The following KCNQ1OT1 variants were observed in gnomAD, a reference collection of about 807,000 sequenced individuals.
KCNQ1OT1 encodes the protein KCNQ1 opposite strand/antisense transcript 1.
rs1479327180 is a variant in KCNQ1OT1 at position 2,659,848 on chromosome 11, C to CT, written n.40146dup. On this transcript the variant is annotated non_coding_transcript_exon_variant, in exon 1 of 1. Coordinates refer to ENST00000597346, the Ensembl canonical transcript of KCNQ1OT1. The surrounding 1 kb of genome is among the most constrained non-coding windows in gnomAD (Gnocchi z 4.3). ...TTCCATATTTATGTTAATTATGTAT[C>CT]TTTTCATGTGCTTATTTATAATCCA... 2 of 398,042 alleles carry CT rather than the reference C, an allele frequency of 5.0e-6. No homozygotes were observed. Among genetic ancestry groups the CT allele is most frequent in the Non-Finnish European group, 8.9e-6 (2 of 225,936 alleles). 24.7% of individuals were successfully genotyped at this position (398,042 alleles called of 1,614,324 possible).
Position 2,697,970 on chromosome 11 carries a change from C to T in KCNQ1OT1, n.2025G>A, listed in dbSNP as rs1247695688. 13 of 398,644 alleles carry T rather than the reference C, an allele frequency of 3.3e-5. No homozygotes were observed. Among genetic ancestry groups the T allele is most frequent in the Middle Eastern group, 6.3e-4 (1 of 1,588 alleles). 24.7% of individuals were successfully genotyped at this position (398,644 alleles called of 1,614,324 possible). Reference sequence around the variant, plus strand: ...TTAAAATACACCCATAATCAAGCAACTCAATCCTTAAATTTTTCTCCTACT... The same window carrying T: ...TTAAAATACACCCATAATCAAGCAATTCAATCCTTAAATTTTTCTCCTACT... On this transcript the variant is annotated non_coding_transcript_exon_variant, in exon 1 of 1. Coordinates refer to ENST00000597346, the Ensembl canonical transcript of KCNQ1OT1.
exon 1 of KCNQ1OT1, chr11:2,685,162 G>T (rs1343437619): frequency 1.0e-5 from 4 of 398,572 alleles, no homozygotes; most frequent in South Asian, 1.3e-4. Context: ...GCCTGGAGAG[G>T]ATCCCCATCT....
rs1189383375 is a variant in KCNQ1OT1 at position 2,652,607 on chromosome 11, T to G, written n.47388A>C. ...GCTCTTGCTGCCTGGAACCTTCCCC[T>G]GAAAATGTGTCTTGGGAGACCTAGA... On this transcript the variant is annotated non_coding_transcript_exon_variant, in exon 1 of 1. Transcript: ENST00000597346. This position sits in a 1 kb window ranked among gnomAD's most constrained non-coding sequence, Gnocchi z 5.9. 9 of 398,494 alleles carry G rather than the reference T, an allele frequency of 2.3e-5. No individual in the cohort carries two copies. The highest frequency in any genetic ancestry group is 4.0e-5 in the Non-Finnish European group (9 of 226,090). 24.7% of individuals were successfully genotyped at this position (398,494 alleles called of 1,614,324 possible).
exon 1 of KCNQ1OT1, chr11:2,655,531 CCTT>C (rs1590010159): frequency 2.5e-6 from 1 of 398,704 alleles, no homozygotes; most frequent in Non-Finnish European, 4.4e-6. Flanking sequence ...ATGGGCTCAA[CCTT>C]CTCTGCAGCT....
Position 2,624,461 on chromosome 11 carries a change from C to T in KCNQ1OT1, n.75534G>A. 2 of 398,404 alleles carry T rather than the reference C, an allele frequency of 5.0e-6. No individual in the cohort carries two copies. Among genetic ancestry groups the T allele is most frequent in the Non-Finnish European group, 4.4e-6 (1 of 226,004 alleles). 24.7% of individuals were successfully genotyped at this position (398,404 alleles called of 1,614,324 possible). ...CAATTATTTCTTTCATGAATCATGC[C>T]TTTGGTGTCATATCTAAAAAGCCAT... is the stretch of plus-strand genomic sequence containing the variant. On this transcript the variant is annotated non_coding_transcript_exon_variant, in exon 1 of 1. Coordinates refer to ENST00000597346, the Ensembl canonical transcript of KCNQ1OT1. The surrounding 1 kb of genome is among the most constrained non-coding windows in gnomAD (Gnocchi z 4.9).
Position 2,679,649 on chromosome 11 carries a change from C to T in KCNQ1OT1, n.20346G>A, listed in dbSNP as rs1177568000. On this transcript the variant is annotated non_coding_transcript_exon_variant, in exon 1 of 1. Coordinates refer to ENST00000597346, the Ensembl canonical transcript of KCNQ1OT1. The surrounding 1 kb of genome is among the most constrained non-coding windows in gnomAD (Gnocchi z 4.8). The stretch of plus-strand genomic sequence containing the variant: ...GCATCAGAAAAAATACAAGTGCATC[C>T]TCATAAGATTATTTAGGATGCATAG... The T allele has an allele frequency of 2.5e-6, 1 of 398,430 alleles. No homozygotes were observed. The highest frequency in any genetic ancestry group is 4.4e-5 in the Admixed American group (1 of 22,708). The allele number at this position is 398,430 out of a possible 1,614,324, so 24.7% of individuals were successfully genotyped here.
chr11:2,614,856 G>C (rs1237407150), exon 1 of KCNQ1OT1: 1 of 398,204 alleles, frequency 2.5e-6, no homozygotes, highest in Non-Finnish European at 4.4e-6. Flanking sequence ...TTTTCAATAT[G>C]ATTTTAGATT....
exon 1 of KCNQ1OT1, chr11:2,688,951 C>G (rs1209902579): frequency 5.0e-6 from 2 of 398,740 alleles, no homozygotes; most frequent in Admixed American, 4.4e-5. Flanking sequence ...CCCACTGGGC[C>G]TAGGGCTCTG....
chr11:2,618,011 G>A (rs1288316879), exon 1 of KCNQ1OT1: 6 of 398,228 alleles, frequency 1.5e-5, no homozygotes, highest in Non-Finnish European at 2.2e-5. Context: ...GACTGTTTCC[G>A]TTCCTGTGCA....
At position 2,611,147 on chromosome 11, in the gene KCNQ1OT1, G is replaced by A. The variant is rs554756109; in HGVS notation, n.88848C>T. On this transcript the variant is annotated non_coding_transcript_exon_variant, in exon 1 of 1. Transcript: ENST00000597346. This position sits in a 1 kb window ranked among gnomAD's most constrained non-coding sequence, Gnocchi z 5.3. ...TTCTTCCTGTTAAATTTTCCCTTTT[G>A]TCATTGTAAAATGCTTCTCAGTATC... 2.5e-6 allele frequency: 1 copy of A among 398,130 alleles called. No homozygotes were observed. Among genetic ancestry groups the A allele is most frequent in the South Asian group, 1.3e-4 (1 of 7,846 alleles). The allele number at this position is 398,130 out of a possible 1,614,324, so 24.7% of individuals were successfully genotyped here. A position where few individuals can be genotyped will look rare whatever the true frequency, so the allele number is the denominator to read the frequency against.
chr11:2,641,835 T>C (rs1849583609), exon 1 of KCNQ1OT1: 1 of 398,420 alleles, frequency 2.5e-6, no homozygotes, highest in East Asian at 3.6e-5. Flanking sequence ...ATAGAAACGG[T>C]TTCATTTTTC....
chr11:2,638,471 A>G (rs1849515785), exon 1 of KCNQ1OT1: 2 of 152,168 alleles, frequency 1.3e-5, no homozygotes, highest in Admixed American at 1.3e-4. Flanking sequence ...TGGGTTGAAA[A>G]TTCTTTTCTT....
chr11:2,627,840 T>G lies in KCNQ1OT1; in HGVS notation n.72155A>C, dbSNP rs1259073057. 5.0e-6 allele frequency: 2 copies of G among 398,466 alleles called. No homozygotes were observed. Among genetic ancestry groups the G allele is most frequent in the African/African-American group, 2.1e-5 (1 of 48,606 alleles). The allele number at this position is 398,466 out of a possible 1,614,324, so 24.7% of individuals were successfully genotyped here. On this transcript the variant is annotated non_coding_transcript_exon_variant, in exon 1 of 1. Coordinates refer to ENST00000597346, the Ensembl canonical transcript of KCNQ1OT1. This position sits in a 1 kb window ranked among gnomAD's most constrained non-coding sequence, Gnocchi z 4.9. ...ATCACAGTTCACTGTAGCCTCAACCTCATGGGCTCAAGTGATCCTCCTGCC... is the reference window on the plus strand; with the variant it reads ...ATCACAGTTCACTGTAGCCTCAACCGCATGGGCTCAAGTGATCCTCCTGCC...
exon 1 of KCNQ1OT1, chr11:2,644,158 C>G (rs911415922): frequency 7.5e-6 from 3 of 398,390 alleles, no homozygotes; most frequent in Non-Finnish European, 1.3e-5. Context: ...GGGAAGTGTT[C>G]AGGTATTATT....
chr11:2,666,313 A>G (rs889318377), exon 1 of KCNQ1OT1: 1 of 398,054 alleles, frequency 2.5e-6, no homozygotes, highest in East Asian at 3.6e-5. Context: ...AGCTGCAGAG[A>G]CCCCCACCAG....
At position 2,674,681 on chromosome 11, in the gene KCNQ1OT1, G is replaced by A; in HGVS notation, n.25314C>T. 1 of 398,498 alleles carries A rather than the reference G, an allele frequency of 2.5e-6. No individual in the cohort carries two copies. The highest frequency in any genetic ancestry group is 4.4e-6 in the Non-Finnish European group (1 of 226,048). 24.7% of individuals were successfully genotyped at this position (398,498 alleles called of 1,614,324 possible). A position where few individuals can be genotyped will look rare whatever the true frequency, so the allele number is the denominator to read the frequency against. On this transcript the variant is annotated non_coding_transcript_exon_variant, in exon 1 of 1. Coordinates refer to ENST00000597346, the Ensembl canonical transcript of KCNQ1OT1. The surrounding 1 kb of genome is among the most constrained non-coding windows in gnomAD (Gnocchi z 5.9). ...TTTTGCAAAATAATTTGAAAAGTTT[G>A]TTGAACCTTAAACCTTTCCTGATGA...
In KCNQ1OT1 at chr11:2,620,133, T is replaced by C; in HGVS notation, n.79862A>G. 2.5e-6 allele frequency: 1 copy of C among 397,944 alleles called. No individual in the cohort carries two copies. Among genetic ancestry groups the C allele is most frequent in the Middle Eastern group, 6.3e-4 (1 of 1,584 alleles). 24.7% of individuals were successfully genotyped at this position (397,944 alleles called of 1,614,324 possible). On this transcript the variant is annotated non_coding_transcript_exon_variant, in exon 1 of 1. Transcript: ENST00000597346. The surrounding 1 kb of genome is among the most constrained non-coding windows in gnomAD (Gnocchi z 4.5). ...AGTATTTGGTTTTCTGTTCCTGCAT[T>C]AATTTGCTTAAGATAGTGGCCTCTA...
chr11:2,619,281 C>T (rs1404286875), exon 1 of KCNQ1OT1: 1 of 398,342 alleles, frequency 2.5e-6, no homozygotes, highest in Non-Finnish European at 4.4e-6. Flanking sequence ...CTTCTGTTTT[C>T]CCTCATTGAT....
At position 2,653,338 on chromosome 11, in the gene KCNQ1OT1, C is replaced by CGTAG. The variant is rs1849786967; in HGVS notation, n.46653_46656dup. The CGTAG allele has an allele frequency of 2.5e-6, 1 of 398,624 alleles. No individual in the cohort carries two copies. Among genetic ancestry groups the CGTAG allele is most frequent in the African/African-American group, 2.1e-5 (1 of 48,630 alleles). The allele number at this position is 398,624 out of a possible 1,614,324, so 24.7% of individuals were successfully genotyped here. ...CCTTGACTGCCCCCAGGCCCATGTC[C>CGTAG]GTAGGCTCACACCTCACCCCCAACT... On this transcript the variant is annotated non_coding_transcript_exon_variant, in exon 1 of 1. Transcript: ENST00000597346. This position sits in a 1 kb window ranked among gnomAD's most constrained non-coding sequence, Gnocchi z 5.3.
Sources: allele counts gnomAD v4.1 joint callset, GRCh38; gene constraint gnomAD v4.1.1; non-coding constraint Gnocchi (gnomAD v3.1); transcripts MANE v1.5; gene names NCBI Gene and HGNC (gene_info 2026-07-23, HGNC 2026-07-21).